ZFAND3: variants seen among roughly 807,000 people sequenced by gnomAD.
ZFAND3 encodes the protein zinc finger AN1-type containing 3.
In ZFAND3, 10 loss-of-function variants were observed where a neutral mutation model predicts 29.6. The ratio of observed to expected loss-of-function variants is 0.34; its 90% CI spans 0.21 to 0.57. The LOEUF is 0.57. Ranked by LOEUF, ZFAND3 falls within the 20% of genes least tolerant of loss-of-function variation. The pLI, the probability that ZFAND3 is intolerant of heterozygous loss-of-function variation, is 0.86. For synonymous variants in ZFAND3, 128 were observed against 112.6 expected (o/e 1.14, Z -0.87); for missense variants, 230 against 304.5 (o/e 0.76, Z 1.82).
At chr6:37,833,373 C>G (rs1297388219) in intron 1 of ZFAND3, among the ~76,000 whole-genome samples, 6 of 152,182 alleles carry the variant, frequency 3.9e-5, no homozygotes, top group Non-Finnish European at 8.8e-5. Context: ...CTTCCAGTAA[C>G]TGCTCCCTTC....
intron 2 of ZFAND3, among the ~76,000 whole-genome samples, chr6:37,967,855 T>G (rs1038095234): frequency 6.6e-6 from 1 of 152,216 alleles, no homozygotes; most frequent in Non-Finnish European, 1.5e-5. Context: ...TTCCAGACAC[T>G]TCCCCTTTTT....
intron 4 of ZFAND3, among the ~76,000 whole-genome samples, chr6:38,110,833 G>A (rs1765301527): frequency 6.6e-6 from 1 of 152,154 alleles, no homozygotes; most frequent in Non-Finnish European, 1.5e-5. Flanking sequence ...CTTGTACGGA[G>A]GCCTAAAAGC....
At chr6:38,036,673 A>G (rs1763663623) in intron 2 of ZFAND3, among the ~76,000 whole-genome samples, 1 of 152,246 alleles carries the variant, frequency 6.6e-6, no homozygotes, top group Non-Finnish European at 1.5e-5. Context: ...AGATTATACA[A>G]ATAATCCACA....
intron 2 of ZFAND3, among the ~76,000 whole-genome samples, chr6:37,931,091 A>C (rs1447531886): frequency 2.0e-5 from 3 of 152,218 alleles, no homozygotes; most frequent in Non-Finnish European, 4.4e-5. Flanking sequence ...TGACACTGTG[A>C]CTGGGGAATA....
chr6:37,968,572 A>G (rs1561950645), intron 2 of ZFAND3, among the ~76,000 whole-genome samples: 1 of 152,112 alleles, frequency 6.6e-6, no homozygotes, highest in Non-Finnish European at 1.5e-5. Flanking sequence ...GAGGCTTTAA[A>G]TCTTTTCAGA....
chr6:38,069,376 C>T (rs1764408356), intron 3 of ZFAND3, among the ~76,000 whole-genome samples: 1 of 152,174 alleles, frequency 6.6e-6, no homozygotes, highest in Non-Finnish European at 1.5e-5. Flanking sequence ...TCTAATGAAG[C>T]TCAAAGCATC....
At chr6:37,902,322 CT>C (rs1482162381) in intron 1 of ZFAND3, among the ~76,000 whole-genome samples, 1 of 151,926 alleles carries the variant, frequency 6.6e-6, no homozygotes, top group African/African-American at 2.4e-5. Context: ...CAAAAATTAG[CT>C]GGGCATAGTG....
intron 1 of ZFAND3, among the ~76,000 whole-genome samples, chr6:37,877,837 GTC>G (rs1455010230): frequency 6.6e-6 from 1 of 152,086 alleles, no homozygotes; most frequent in Non-Finnish European, 1.5e-5. Flanking sequence ...ACCAGACAAA[GTC>G]TTGGTCAAGC....
chr6:37,903,044 T>TA lies in ZFAND3; in HGVS notation c.72-26914dup, dbSNP rs1581748218. On this transcript the variant is annotated intron_variant, in intron 1 of 5. Transcript: ENST00000287218. ...TGTGCAGTAATTTAGGATGGATCCT[T>TA]ACACTTCTCTAAAAAGTATTCATTT... Among the ~76,000 whole-genome samples the TA allele has an allele frequency of 2.0e-5, 3 of 152,328 alleles. No individual in the cohort carries two copies. The East Asian group carries it at 5.8e-4, about 29-fold the overall frequency.
At chr6:38,104,743 A>G (rs903912325) in intron 4 of ZFAND3, among the ~76,000 whole-genome samples, 2 of 152,350 alleles carry the variant, frequency 1.3e-5, no homozygotes, top group South Asian at 4.1e-4. Flanking sequence ...ATAAATTAAT[A>G]ATCATATTTG....
chr6:38,151,629 T>G (rs1486333761), intron 5 of ZFAND3, among the ~76,000 whole-genome samples: 1 of 152,164 alleles, frequency 6.6e-6, no homozygotes, highest in Admixed American at 6.5e-5. Flanking sequence ...TCAGATTCCT[T>G]GGAGATGGCG....
chr6:38,053,784 A>G (rs1764077462), intron 2 of ZFAND3, among the ~76,000 whole-genome samples: 2 of 152,154 alleles, frequency 1.3e-5, no homozygotes, highest in Non-Finnish European at 2.9e-5. Context: ...TGGATTCAAG[A>G]GATATTTAGG....
chr6:37,975,032 G>A (rs540804912), intron 2 of ZFAND3, among the ~76,000 whole-genome samples: 22 of 152,158 alleles, frequency 1.4e-4, no homozygotes, highest in Non-Finnish European at 2.6e-4. Context: ...CATATCATAG[G>A]TTGTATGTTT....
intron 5 of ZFAND3, among the ~76,000 whole-genome samples, chr6:38,128,145 A>T (rs944364685): frequency 6.6e-6 from 1 of 152,254 alleles, no homozygotes; most frequent in African/African-American, 2.4e-5. Context: ...TTTAGTCAAA[A>T]TAATCGGATT....
At chr6:37,902,104 G>A (rs9470729) in intron 1 of ZFAND3, among the ~76,000 whole-genome samples, 4,572 of 152,070 alleles carry the variant, frequency 0.03, 180 homozygotes, top group African/African-American at 0.087. Flanking sequence ...AAAGGGTAAA[G>A]GTGGGGTTAA....
At chr6:37,909,268 CT>C (rs761746825) in intron 1 of ZFAND3, among the ~76,000 whole-genome samples, 3 of 141,412 alleles carry the variant, frequency 2.1e-5, no homozygotes, top group Admixed American at 6.9e-5. Context: ...GATTTTTTTT[CT>C]TTTTTTCTTT....
intron 5 of ZFAND3, chr6:38,142,411 G>T (rs1053957114): frequency 2.6e-5 from 12 of 467,078 alleles, no homozygotes; most frequent in African/African-American, 2.2e-4. Context: ...GGTGAGCCAT[G>T]TGTCAGGAGC....
rs542444039 is a variant in ZFAND3, at chr6:38,136,327, G to A, written c.530-15908G>A. 3.9e-5 allele frequency among the ~76,000 whole-genome samples: 6 copies of A among 152,304 alleles called. No homozygotes were observed. The South Asian group carries it at 6.2e-4, about 16-fold the overall frequency. ...TGTAGCTTTGGATACTTCCTTGTTC[G>A]TGATCACAGGCCACACCAACTGGTG... On this transcript the variant is annotated intron_variant, in intron 5 of 5. Transcript: ENST00000287218.
chr6:38,026,650 T>C (rs1418716240), intron 2 of ZFAND3, among the ~76,000 whole-genome samples: 2 of 152,006 alleles, frequency 1.3e-5, no homozygotes, highest in Admixed American at 1.3e-4. Flanking sequence ...AGGCTGATCC[T>C]GAACTTCTGA....
Sources: gnomAD v4.1 joint callset for allele counts (sites outside exome capture counted in the v4.1 genomes callset) on GRCh38, gnomAD v4.1.1 for gene constraint, MANE v1.5 for transcripts, NCBI Gene and HGNC (gene_info 2026-07-23, HGNC 2026-07-21) for gene names.